Variants in DPF3 observed in about 807,000 individuals in gnomAD.
The protein encoded by DPF3 is zinc finger protein DPF3.
Under a neutral mutation model 56.8 loss-of-function variants are expected in DPF3, and 18 were observed. That is an observed-to-expected ratio of 0.32 (90% CI 0.22 to 0.47). The LOEUF (loss-of-function observed/expected upper bound fraction) is 0.47, where lower values mean the gene tolerates loss of function less well. Among genes scored for constraint, DPF3 ranks in the 20% least tolerant of loss-of-function variants. DPF3 has a pLI of 1.00. For missense variants in DPF3, 403 were observed against 488.8 expected (o/e 0.82, Z 1.65); for synonymous variants, 188 against 180.2 (o/e 1.04, Z -0.35).
chr14:72,669,868 G>A, intron 8 of DPF3: 1 of 984,180 alleles, frequency 1.0e-6, no homozygotes, highest in South Asian at 4.7e-5. Flanking sequence ...AGCAAGCTGG[G>A]GGAAAAAGGA....
At chr14:72,838,504 C>T (rs1884395377) in intron 1 of DPF3, among the ~76,000 whole-genome samples, 1 of 151,924 alleles carries the variant, frequency 6.6e-6, no homozygotes, top group South Asian at 2.1e-4. Flanking sequence ...CAAAAAACAG[C>T]ACCCTGGAGA....
chr14:72,763,970 T>C (rs1398732451), intron 2 of DPF3, among the ~76,000 whole-genome samples: 1 of 152,232 alleles, frequency 6.6e-6, no homozygotes, highest in Non-Finnish European at 1.5e-5. Flanking sequence ...TATTGTGATA[T>C]AATGAGAAAT....
intron 8 of DPF3, among the ~76,000 whole-genome samples, chr14:72,671,672 T>C (rs1179897939): frequency 3.9e-5 from 6 of 152,240 alleles, no homozygotes; most frequent in Admixed American, 2.6e-4. Context: ...CCCCAGACAA[T>C]GATTTTCATT....
At chr14:72,775,481 T>C (rs1036706637) in intron 1 of DPF3, among the ~76,000 whole-genome samples, 1 of 152,254 alleles carries the variant, frequency 6.6e-6, no homozygotes, top group Non-Finnish European at 1.5e-5. Flanking sequence ...GGATCGAGAA[T>C]GTCAAACAAA....
intron 3 of DPF3, among the ~76,000 whole-genome samples, chr14:72,735,825 C>T (rs368285644): frequency 5.9e-5 from 9 of 152,000 alleles, no homozygotes; most frequent in East Asian, 3.9e-4. Context: ...TCAGTGTTGG[C>T]GAATCAAACA....
intron 1 of DPF3, among the ~76,000 whole-genome samples, chr14:72,862,956 G>A (rs1418427449): frequency 1.3e-5 from 2 of 151,636 alleles, no homozygotes; most frequent in African/African-American, 4.9e-5. Context: ...TCAACAATAA[G>A]TATTTGTTGA....
intron 1 of DPF3, among the ~76,000 whole-genome samples, chr14:72,869,598 C>T (rs1264009804): frequency 6.6e-6 from 1 of 152,132 alleles, no homozygotes; most frequent in African/African-American, 2.4e-5. Flanking sequence ...AGATCTCAGG[C>T]TCTTCCCAGT....
chr14:72,662,530 G>A, intron 8 of DPF3: 1 of 985,086 alleles, frequency 1.0e-6, no homozygotes, highest in East Asian at 1.1e-4. Flanking sequence ...GCGGACCTGG[G>A]TACTTTCTCA....
intron 7 of DPF3, among the ~76,000 whole-genome samples, chr14:72,683,326 C>CAAAAAAA (rs56087517): frequency 3.8e-5 from 3 of 79,608 alleles, no homozygotes; most frequent in Non-Finnish European, 5.0e-5. Flanking sequence ...GACCCCATCT[C>CAAAAAAA]AAAAAAAAAA....
At chr14:72,638,735 ACGT>A (rs1417608942) in intron 8 of DPF3, among the ~76,000 whole-genome samples, 1 of 152,188 alleles carries the variant, frequency 6.6e-6, no homozygotes, top group Non-Finnish European at 1.5e-5. Flanking sequence ...ATCCTTTTCT[ACGT>A]GAGCCTGGGA....
chr14:72,810,337 C>A (rs1400323715), intron 1 of DPF3, among the ~76,000 whole-genome samples: 2 of 152,176 alleles, frequency 1.3e-5, no homozygotes, highest in Non-Finnish European at 2.9e-5. Flanking sequence ...CAGAGATATG[C>A]ACTGCAAGGG....
At chr14:72,851,393 T>A (rs1191673219) in intron 1 of DPF3, among the ~76,000 whole-genome samples, 3 of 152,272 alleles carry the variant, frequency 2.0e-5, no homozygotes, top group Non-Finnish European at 2.9e-5. Flanking sequence ...CCTCAGGTTC[T>A]TAACTCACAC....
chr14:72,620,219 C>T (rs1337886962), intron 9 of DPF3, among the ~76,000 whole-genome samples: 2 of 152,164 alleles, frequency 1.3e-5, no homozygotes, highest in Non-Finnish European at 2.9e-5. Flanking sequence ...GGGTTCTGCT[C>T]AACTCGTACC....
chr14:72,813,404 G>C (rs1404924159), intron 1 of DPF3, among the ~76,000 whole-genome samples: 1 of 152,186 alleles, frequency 6.6e-6, no homozygotes, highest in Non-Finnish European at 1.5e-5. Flanking sequence ...AGCGCTTGCA[G>C]CTTTTAAAGC....
chr14:72,664,706 A>G (rs911061611), intron 8 of DPF3, among the ~76,000 whole-genome samples: 4 of 152,166 alleles, frequency 2.6e-5, no homozygotes, highest in African/African-American at 9.7e-5. Context: ...AATATTTATT[A>G]AGCATCCTCT....
intron 5 of DPF3, among the ~76,000 whole-genome samples, chr14:72,716,177 C>T (rs892160467): frequency 3.3e-5 from 5 of 151,886 alleles, no homozygotes; most frequent in East Asian, 1.9e-4. Context: ...GGGGAGGAGT[C>T]GAGCAGAACT....
At chr14:72,730,567 G>C (rs1175302677) in intron 4 of DPF3, among the ~76,000 whole-genome samples, 2 of 152,038 alleles carry the variant, frequency 1.3e-5, no homozygotes, top group African/African-American at 4.8e-5. Context: ...ATTGGCCCTG[G>C]CTATCGATGG....
chr14:72,693,702 A>G (rs1436428537), intron 6 of DPF3, among the ~76,000 whole-genome samples: 1 of 152,206 alleles, frequency 6.6e-6, no homozygotes, highest in Non-Finnish European at 1.5e-5. Context: ...GGCAAGTGAG[A>G]CCCAGCAACA....
chr14:72,817,546 A>G (rs1256220509), intron 1 of DPF3, among the ~76,000 whole-genome samples: 1 of 152,106 alleles, frequency 6.6e-6, no homozygotes, highest in Non-Finnish European at 1.5e-5. Context: ...TGGTGGCGCA[A>G]GCCGGTAGTC....
Sources: allele counts gnomAD v4.1 joint callset (sites outside exome capture counted in the v4.1 genomes callset), GRCh38; gene constraint gnomAD v4.1.1; transcripts MANE v1.5; gene names NCBI Gene and HGNC (gene_info 2026-07-23, HGNC 2026-07-21).